Variants in LARGE1 observed in about 807,000 individuals in gnomAD.
LARGE1 encodes the protein LARGE xylosyl- and glucuronyltransferase 1, also known as xylosyl- and glucuronyltransferase LARGE1.
In LARGE1, 43 loss-of-function variants were observed where a neutral mutation model predicts 87.6. The ratio of observed to expected loss-of-function variants is 0.49; its 90% CI spans 0.38 to 0.63. LARGE1 has a LOEUF of 0.63. Ranked by LOEUF, LARGE1 falls within the 30% of genes least tolerant of loss-of-function variation. LARGE1 has a pLI of 0.00. For synonymous variants in LARGE1, 434 were observed against 394.6 expected, an observed-to-expected ratio of 1.10 and a Z score of -1.18; for missense variants, 802 against 1,000.2, an observed-to-expected ratio of 0.80 and a Z score of 2.67.
chr22:33,079,529 C>G, the LARGE1 span, among the ~76,000 whole-genome samples: 3 of 152,010 alleles, frequency 2.0e-5, no homozygotes, highest in African/African-American at 7.2e-5. Flanking sequence ...ACCTGGCCAT[C>G]TAGTTATCAT....
At chr22:33,701,982 A>T (rs2082415855) in intron 2 of LARGE1, among the ~76,000 whole-genome samples, 1 of 152,180 alleles carries the variant, frequency 6.6e-6, no homozygotes, top group Admixed American at 6.5e-5. Context: ...CTAGTTCATT[A>T]GTGTGAGTGT....
intron 2 of LARGE1, among the ~76,000 whole-genome samples, chr22:33,652,955 G>A (rs911957888): frequency 2.6e-5 from 4 of 152,174 alleles, no homozygotes; most frequent in African/African-American, 9.7e-5. Flanking sequence ...AATTGGTAGG[G>A]GACGTGAAAT....
At chr22:33,501,360 C>A (rs189855737) in intron 6 of LARGE1, among the ~76,000 whole-genome samples, 4 of 152,148 alleles carry the variant, frequency 2.6e-5, no homozygotes, top group African/African-American at 4.8e-5. Context: ...GATGGGAGAT[C>A]GCCTCTGTGT....
intron 11 of LARGE1, among the ~76,000 whole-genome samples, chr22:33,309,872 T>G (rs1207500447): frequency 2.0e-5 from 3 of 152,142 alleles, no homozygotes; most frequent in Non-Finnish European, 4.4e-5. Context: ...CCAGGCTGGA[T>G]GGGCCTTGAA....
At chr22:33,409,414 ATCACT>A (rs1344639767) in intron 7 of LARGE1, among the ~76,000 whole-genome samples, 5 of 152,152 alleles carry the variant, frequency 3.3e-5, no homozygotes, top group African/African-American at 1.2e-4. Flanking sequence ...CTGATGGTAC[ATCACT>A]GCCTGTCCCC....
Position 33,519,235 on chromosome 22 carries a change from C to CGCGTGTGTGTGT in LARGE1, c.787+45612_787+45613insACACACACACGC, listed in dbSNP as rs112192440. 1.4e-4 allele frequency among the ~76,000 whole-genome samples: 21 copies of CGCGTGTGTGTGT among 149,544 alleles called. 1 individual carries two copies. The highest frequency in any genetic ancestry group is 1.3e-3 in the Admixed American group (19 of 14,996). ...TCCCTGAGCTGCGTGCGTGCGCGCG[C>CGCGTGTGTGTGT]GTGTGTGTGTGTGTGTGTGTGTGGT... On this transcript the variant is annotated intron_variant, in intron 6 of 14. Transcript: ENST00000397394.
At chr22:33,253,226 T>C (rs886981937) in intron 11 of LARGE1, among the ~76,000 whole-genome samples, 9 of 152,212 alleles carry the variant, frequency 5.9e-5, no homozygotes, top group African/African-American at 2.2e-4. Context: ...GACAATTAAA[T>C]TGATTAAAAA....
intron 9 of LARGE1, among the ~76,000 whole-genome samples, chr22:33,351,397 C>T (rs1940362033): frequency 6.6e-6 from 1 of 152,310 alleles, no homozygotes; most frequent in Non-Finnish European, 1.5e-5. Flanking sequence ...CTGGCAAAGT[C>T]TTCTGTCAAC....
chr22:33,078,502 T>C, the LARGE1 span, among the ~76,000 whole-genome samples: 1 of 152,202 alleles, frequency 6.6e-6, no homozygotes, highest in South Asian at 2.1e-4. Context: ...GAGGAAAATA[T>C]CGAGGCACAG....
intron 1 of LARGE1, among the ~76,000 whole-genome samples, chr22:33,773,558 T>C (rs1427842462): frequency 6.6e-6 from 1 of 152,194 alleles, no homozygotes; most frequent in African/African-American, 2.4e-5. Context: ...ACATTAGTTG[T>C]CACCCGAATT....
chr22:33,443,673 C>T (rs1344002304), intron 6 of LARGE1, among the ~76,000 whole-genome samples: 1 of 152,218 alleles, frequency 6.6e-6, no homozygotes, highest in African/African-American at 2.4e-5. Flanking sequence ...CAAGTCCACC[C>T]TCCCCAACCC....
intron 11 of LARGE1, among the ~76,000 whole-genome samples, chr22:33,177,756 G>A (rs935116722): frequency 2.6e-5 from 4 of 152,092 alleles, no homozygotes; most frequent in Admixed American, 6.6e-5. Flanking sequence ...GAATCACCCC[G>A]TCTCACTTGA....
At chr22:33,566,438 TAGC>T (rs748619450) in intron 5 of LARGE1, among the ~76,000 whole-genome samples, 17 of 152,168 alleles carry the variant, frequency 1.1e-4, no homozygotes, top group Non-Finnish European at 2.2e-4. Flanking sequence ...AAGAAAAAAA[TAGC>T]AGCAAGACAT....
At chr22:33,393,068 C>A (rs1195617368) in intron 7 of LARGE1, among the ~76,000 whole-genome samples, 1 of 152,110 alleles carries the variant, frequency 6.6e-6, no homozygotes, top group African/African-American at 2.4e-5. Flanking sequence ...GAAAGAAAAT[C>A]CACTGTATGG....
At chr22:33,287,750 G>A (rs981118182) in intron 12 of LARGE1, among the ~76,000 whole-genome samples, 10 of 152,224 alleles carry the variant, frequency 6.6e-5, no homozygotes, top group African/African-American at 2.4e-4. Flanking sequence ...GACGATGAGT[G>A]AGAAAGCTGG....
intron 2 of LARGE1, among the ~76,000 whole-genome samples, chr22:33,660,088 GTGTTT>G (rs1164374213): frequency 3.7e-5 from 4 of 108,640 alleles, no homozygotes; most frequent in Non-Finnish European, 7.1e-5. Context: ...GTGTGTGTGT[GTGTTT>G]TTTTTTTTTT....
chr22:33,136,475 C>T, the LARGE1 span, among the ~76,000 whole-genome samples: 4 of 152,156 alleles, frequency 2.6e-5, no homozygotes, highest in African/African-American at 9.7e-5. Context: ...AGGTCCCTCC[C>T]ACAACATGTG....
intron 1 of LARGE1, among the ~76,000 whole-genome samples, chr22:33,807,764 T>C (rs2086360071): frequency 6.6e-6 from 1 of 152,244 alleles, no homozygotes; most frequent in Admixed American, 6.5e-5. Flanking sequence ...TAAGTAGCCT[T>C]TTCAAATTGG....
rs1399977428 is a variant in LARGE1 at position 33,273,975 on chromosome 22, GAAAGTTTTCACTTAAT to G, written c.*436_*451del. The G allele has an allele frequency of 1.7e-5, 6 of 344,576 alleles. No homozygotes were observed. In the South Asian group the frequency reaches 1.8e-4, roughly 10 times the overall value. 21.3% of individuals were successfully genotyped at this position (344,576 alleles called of 1,614,324 possible). ...CCCAGCTACATTGCAGGGCAAAGGGGAAAGTTTTCACTTAATAAAGACAATTTCACTTCTATTTCCT... is the reference window on the plus strand; with the variant it reads ...CCCAGCTACATTGCAGGGCAAAGGGGAAAGACAATTTCACTTCTATTTCCT... On this transcript the variant is annotated 3_prime_UTR_variant, in exon 15 of 15. Transcript: ENST00000397394.
Sources: gnomAD v4.1 joint callset for allele counts (sites outside exome capture counted in the v4.1 genomes callset) on GRCh38, gnomAD v4.1.1 for gene constraint, MANE v1.5 for transcripts, NCBI Gene and HGNC (gene_info 2026-07-23, HGNC 2026-07-21) for gene names.